MAPK9: variants seen among roughly 807,000 people sequenced by gnomAD.
MAPK9 encodes Jun kinase.
A neutral mutation model predicts 57.1 loss-of-function variants in MAPK9; 30 were observed. That is an observed-to-expected ratio of 0.53 (90% CI 0.39 to 0.71). The LOEUF is 0.71. Ranked by LOEUF, MAPK9 falls within the 30% of genes least tolerant of loss-of-function variation. The pLI is 0.00. For missense variants in MAPK9, 362 were observed against 521.0 expected (o/e 0.69, Z 2.97); for synonymous variants, 155 against 177.0 (o/e 0.88, Z 0.99).
rs1762217152 is a variant in MAPK9, at chr5:180,280,376, C to T, written c.122+64G>A. 1.9e-6 allele frequency: 3 copies of T among 1,568,928 alleles called. No individual in the cohort carries two copies. The African/African-American group carries it at 4.1e-5, about 22-fold the overall frequency. ...TCATCAATGTTTCTAAATCCTGACACTTTAGTTTTACTTTTTATTACAGCA... is the reference window on the plus strand; with the variant it reads ...TCATCAATGTTTCTAAATCCTGACATTTTAGTTTTACTTTTTATTACAGCA... On this transcript the variant is annotated intron_variant, in intron 2 of 11. Coordinates refer to ENST00000452135, the MANE Select transcript of MAPK9 (RefSeq NM_002752.5).
At position 180,235,648 on chromosome 5, in the gene MAPK9, C is replaced by T. The variant is rs984376824; in HGVS notation, c.*736G>A. 6 of 152,194 alleles carry T rather than the reference C, an allele frequency of 3.9e-5. 1 individual carries two copies. The highest frequency in any genetic ancestry group is 4.8e-5 in the African/African-American group (2 of 41,454). The allele number at this position is 152,194 out of a possible 1,614,324, so 9.4% of individuals were successfully genotyped here. A position where few individuals can be genotyped will look rare whatever the true frequency, so the allele number is the denominator to read the frequency against. On this transcript the variant is annotated 3_prime_UTR_variant, in exon 12 of 12. Coordinates refer to ENST00000452135, the MANE Select transcript of MAPK9 (RefSeq NM_002752.5). ...GGATTTCAAGCAGCACTAAGCAAAA[C>T]TTAAAATTGTATCGTGCAGTAAAGC...
At position 180,269,607 on chromosome 5, in the gene MAPK9, C is replaced by T. The variant is rs373602397; in HGVS notation, c.123-198G>A. On this transcript the variant is annotated intron_variant, in intron 2 of 11. Coordinates refer to ENST00000452135, the MANE Select transcript of MAPK9 (RefSeq NM_002752.5). Reference sequence around the variant, plus strand: ...GCATGTACTAACTCCTTTGCAGAGGCACATTTCAGCCACAGTTAAGATGGG... The same window carrying T: ...GCATGTACTAACTCCTTTGCAGAGGTACATTTCAGCCACAGTTAAGATGGG... 6.6e-5 allele frequency among the ~76,000 whole-genome samples: 10 copies of T among 152,222 alleles called. No individual in the cohort carries two copies. The East Asian group carries it at 9.6e-4, about 15-fold the overall frequency.
At chr5:180,283,575 G>A (rs1044130795) in intron 1 of MAPK9, among the ~76,000 whole-genome samples, 2 of 152,202 alleles carry the variant, frequency 1.3e-5, no homozygotes, top group African/African-American at 4.8e-5. Context: ...ACAATATTAG[G>A]TTAACTTTTT....
At chr5:180,265,990 A>C (rs1036770325) in intron 3 of MAPK9, among the ~76,000 whole-genome samples, 4 of 152,122 alleles carry the variant, frequency 2.6e-5, no homozygotes, top group African/African-American at 9.7e-5. Context: ...AAGAGATCTG[A>C]TTACATTAAA....
rs147600895 is a variant in MAPK9 at position 180,239,104 on chromosome 5, G to T, written c.1061-701C>A. ...CAAAGGTAACCAGCACCCACATGTG[G>T]GCTAGGAGCCCCCCACACTGGCCAG... On this transcript the variant is annotated intron_variant, in intron 10 of 11. Coordinates refer to ENST00000452135, the MANE Select transcript of MAPK9 (RefSeq NM_002752.5). Among the ~76,000 whole-genome samples the T allele has an allele frequency of 1.0e-3, 155 of 152,220 alleles. No homozygotes were observed. The Middle Eastern group carries it at 0.024, about 23-fold the overall frequency.
chr5:180,267,423 G>C (rs1007095056), intron 3 of MAPK9, among the ~76,000 whole-genome samples: 1 of 151,946 alleles, frequency 6.6e-6, no homozygotes. Flanking sequence ...TTAGCTGGGT[G>C]TGGTGGCGGG....
intron 3 of MAPK9, among the ~76,000 whole-genome samples, chr5:180,267,772 G>GCAT: frequency 6.6e-6 from 1 of 151,986 alleles, no homozygotes; most frequent in Admixed American, 6.5e-5. Context: ...GGCTGAGGTG[G>GCAT]GAGAATCACA....
intron 5 of MAPK9, 92 bp downstream of exon 5, chr5:180,261,592 T>C: frequency 8.1e-7 from 1 of 1,226,996 alleles, no homozygotes. Flanking sequence ...TTTTCAAGCC[T>C]AACAATTTTT....
intron 8 of MAPK9, among the ~76,000 whole-genome samples, 173 bp from the exon 9 acceptor site, chr5:180,241,328 G>A (rs150844192): frequency 6.8e-4 from 102 of 149,532 alleles, no homozygotes; most frequent in African/African-American, 2.4e-3. Flanking sequence ...TTTCGGAGAC[G>A]GAGTCTCGCT....
chr5:180,280,550 A>G lies in MAPK9; in HGVS notation c.12T>C (p.Ser4=). The G allele has an allele frequency of 6.2e-7, 1 of 1,614,038 alleles. No homozygotes were observed. Among genetic ancestry groups the G allele is most frequent in the Middle Eastern group, 1.7e-4 (1 of 6,060 alleles). ...CACTATAAAACTGACTGTCACATTT[A>G]CTGTCGCTCATGATGCAGCGTCCTG... MSD[S]KCDSQFYSVQ... The change falls in exon 2 of 12, where the codon AGT becomes AGC. Residue 4 remains serine (S), a synonymous_variant. Coordinates refer to ENST00000452135, the MANE Select transcript of MAPK9 (RefSeq NM_002752.5).
intron 4 of MAPK9, among the ~76,000 whole-genome samples, chr5:180,263,940 C>T (rs1264796504): frequency 5.9e-5 from 9 of 152,202 alleles, no homozygotes; most frequent in African/African-American, 1.4e-4. Context: ...CTCCTGACCT[C>T]GTGATCCGCC....
intron 2 of MAPK9, among the ~76,000 whole-genome samples, chr5:180,277,063 CCTGCCCTTCA>C (rs1238766160): frequency 4.9e-4 from 74 of 152,290 alleles, no homozygotes; most frequent in African/African-American, 1.7e-3. Context: ...TATCTGCACA[CCTGCCCTTCA>C]TAAAGCTCTA....
rs190763539 is a variant in MAPK9, at chr5:180,239,177, T to C, written c.1060+747A>G. ...CTTTTCTTAATTTCAACTTCGGTTT[T>C]CCTCAACTTTCATCTGTAAGAAAAA... On this transcript the variant is annotated intron_variant, in intron 10 of 11. Coordinates refer to ENST00000452135, the MANE Select transcript of MAPK9 (RefSeq NM_002752.5). 7.2e-5 allele frequency among the ~76,000 whole-genome samples: 11 copies of C among 152,376 alleles called. No individual in the cohort carries two copies. In the East Asian group the frequency reaches 2.1e-3, roughly 29 times the overall value.
At chr5:180,268,013 A>AC (rs767892471) in intron 3 of MAPK9, among the ~76,000 whole-genome samples, 1 of 151,928 alleles carries the variant, frequency 6.6e-6, no homozygotes, top group Non-Finnish European at 1.5e-5. Context: ...TTTAGTAGAG[A>AC]TGGGGTTTCA....
At chr5:180,236,955 T>C (rs1757220418) in intron 11 of MAPK9, 1 of 152,488 alleles carries the variant, frequency 6.6e-6, no homozygotes, top group South Asian at 2.1e-4. Context: ...ACACTAAATC[T>C]ACAGGAAAAA....
rs1415804949 is a variant in MAPK9, at chr5:180,234,283, G to GT, written c.*2100dup. The GT allele has an allele frequency of 6.6e-6, 1 of 152,196 alleles. No homozygotes were observed. 9.4% of individuals were successfully genotyped at this position (152,196 alleles called of 1,614,324 possible). ...TAGAGATCAGTTTGAAACCATTTGC[G>GT]TGGCACCAAGACCCTGGCAAATCTA... is the stretch of plus-strand genomic sequence containing the variant. On this transcript the variant is annotated 3_prime_UTR_variant, in exon 12 of 12. Coordinates refer to ENST00000452135, the MANE Select transcript of MAPK9 (RefSeq NM_002752.5).
intron 1 of MAPK9, among the ~76,000 whole-genome samples, chr5:180,281,084 G>T (rs1006006295): frequency 6.6e-6 from 1 of 152,222 alleles, no homozygotes; most frequent in African/African-American, 2.4e-5. Flanking sequence ...TGGTTGAAAT[G>T]ATGAACCAAA....
At chr5:180,284,901 A>AAC (rs939870013) in intron 1 of MAPK9, among the ~76,000 whole-genome samples, 2 of 152,132 alleles carry the variant, frequency 1.3e-5, no homozygotes, top group African/African-American at 2.4e-5. Context: ...CAGCTACGTA[A>AAC]ACACACACAC....
chr5:180,291,441 A>G (rs1422482657), intron 1 of MAPK9, among the ~76,000 whole-genome samples: 1 of 152,130 alleles, frequency 6.6e-6, no homozygotes, highest in African/African-American at 2.4e-5. Flanking sequence ...CCTGACAACA[A>G]CCCTGTCCAG....
Sources: allele counts gnomAD v4.1 joint callset (sites outside exome capture counted in the v4.1 genomes callset), GRCh38; gene constraint gnomAD v4.1.1; transcripts MANE v1.5; gene names NCBI Gene and HGNC (gene_info 2026-07-23, HGNC 2026-07-21).